Variants in LMO7 observed in about 807,000 individuals in gnomAD.
LMO7 encodes the protein LIM domain 7.
A neutral mutation model predicts 206.5 loss-of-function variants in LMO7; 120 were observed. The observed-to-expected ratio is 0.58, with a 90% CI of 0.50 to 0.68. The LOEUF is 0.68. Ranked by LOEUF, LMO7 falls within the 30% of genes least tolerant of loss-of-function variation. The pLI is 0.00. For missense variants in LMO7, 1,959 were observed against 1,957.9 expected (o/e 1.00, Z -0.01); for synonymous variants, 706 against 681.5 (o/e 1.04, Z -0.56).
chr13:75,818,335 G>A (rs185522765), intron 12 of LMO7, among the ~76,000 whole-genome samples: 2 of 152,228 alleles, frequency 1.3e-5, no homozygotes, highest in Admixed American at 6.5e-5. Flanking sequence ...AGCAGGAGTG[G>A]CTCTGTGGGC....
Position 75,621,807 on chromosome 13 carries a change from T to C in LMO7, c.114T>C (p.Cys38=), listed in dbSNP as rs184134419. 5 of 1,612,610 alleles carry C rather than the reference T, an allele frequency of 3.1e-6. No individual in the cohort carries two copies. In the Admixed American group the frequency reaches 8.3e-5, roughly 27 times the overall value. Reference sequence around the variant, plus strand: ...TGGAAATTTGGAGGCAACTGATATGTGCTCATGTCTGCATCTGTGTGGGTT... The same window carrying C: ...TGGAAATTTGGAGGCAACTGATATGCGCTCATGTCTGCATCTGTGTGGGTT... The change falls in exon 1 of 30, where the codon TGT becomes TGC. Residue 38 remains cysteine (C), a synonymous_variant. Coordinates refer to the LMO7 transcript ENST00000341547.
chr13:75,778,907 G>T (rs1327563460), intron 4 of LMO7, among the ~76,000 whole-genome samples: 1 of 152,152 alleles, frequency 6.6e-6, no homozygotes, highest in African/African-American at 2.4e-5. Flanking sequence ...TTTTAGGAAG[G>T]TCCTGGAGGC....
rs779322171 is a variant in LMO7, at chr13:75,807,832, A to G, written c.1549A>G (p.Met517Val). 1 of 1,613,954 alleles carries G rather than the reference A, an allele frequency of 6.2e-7. No homozygotes were observed. The highest frequency in any genetic ancestry group is 8.5e-7 in the Non-Finnish European group (1 of 1,179,874). The change falls in exon 10 of 31, where the codon ATG becomes GTG. Residue 517 changes from methionine (M) to valine (V), a missense_variant. Transcript: ENST00000377534. ...LVLPDLEKDDMIVRRIPAQKK... is the reference protein window; with the variant it reads ...LVLPDLEKDDVIVRRIPAQKK... Reference sequence around the variant, plus strand: ...ACTTCCGGATTTGGAAAAAGATGATATGATTGTTCGCCGAATTCCAGCACA... The same window carrying G: ...ACTTCCGGATTTGGAAAAAGATGATGTGATTGTTCGCCGAATTCCAGCACA...
At chr13:75,781,567 G>C (rs961629009) in intron 4 of LMO7, among the ~76,000 whole-genome samples, 7 of 151,916 alleles carry the variant, frequency 4.6e-5, no homozygotes, top group Non-Finnish European at 4.4e-5. Context: ...TTGCTATTGT[G>C]AATAGTGCCG....
At chr13:75,844,188 G>A (rs1030927189) in intron 25 of LMO7, among the ~76,000 whole-genome samples, 3 of 152,104 alleles carry the variant, frequency 2.0e-5, no homozygotes, top group Admixed American at 6.5e-5. Context: ...GAGGCATCAA[G>A]GAGTGTGGCT....
intron 3 of LMO7, 127 bp downstream of exon 3, chr13:75,727,225 G>A (rs117293384): frequency 1.8e-6 from 1 of 553,712 alleles, no homozygotes; most frequent in African/African-American, 2.0e-5. Context: ...CTGAAGCAAA[G>A]TGTGTTTGGT....
chr13:75,795,048 C>T (rs1410538434), intron 4 of LMO7, among the ~76,000 whole-genome samples: 2 of 151,884 alleles, frequency 1.3e-5, no homozygotes, highest in African/African-American at 4.8e-5. Context: ...CACTGATCCC[C>T]CCTCATTGGG....
rs149451677 is a variant in LMO7 at position 75,814,019 on chromosome 13, A to T, written c.1947-3142A>T. Among the ~76,000 whole-genome samples, 557 of 152,262 alleles carry T rather than the reference A, an allele frequency of 3.7e-3. 7 individuals are homozygous for T. Among genetic ancestry groups the T allele is most frequent in the African/African-American group, 0.013 (545 of 41,548 alleles). On this transcript the variant is annotated intron_variant, in intron 11 of 30. Coordinates refer to ENST00000377534, the MANE Select transcript of LMO7 (RefSeq NM_001306080.2). ...CATTCTTCATAGTATGACTTACGTG[A>T]ATCTATATTCTCAAATTCACACAAA...
rs1323075945 is a variant in LMO7 at position 75,755,731 on chromosome 13, GT to G, written c.211-5200del. 1.3e-4 allele frequency among the ~76,000 whole-genome samples: 20 copies of G among 152,178 alleles called. 1 individual carries two copies. Among genetic ancestry groups the G allele is most frequent in the African/African-American group, 4.8e-4 (20 of 41,530 alleles). On this transcript the variant is annotated intron_variant, in intron 3 of 30. Coordinates refer to ENST00000377534, the MANE Select transcript of LMO7 (RefSeq NM_001306080.2). ...CTGTATTCTTTATTATTAAAATCTT[GT>G]GGTAGCCAGCTTCCAAAATGGTCCC... is the stretch of plus-strand genomic sequence containing the variant.
At chr13:75,825,652 G>T (rs1357411449) in intron 15 of LMO7, among the ~76,000 whole-genome samples, 1 of 152,110 alleles carries the variant, frequency 6.6e-6, no homozygotes, top group Non-Finnish European at 1.5e-5. Flanking sequence ...GGTGACTTAC[G>T]TATCTCTGAT....
At chr13:75,805,451 G>A (rs1486434083) in intron 8 of LMO7, 28 bp from the exon 9 acceptor site, 1 of 1,606,432 alleles carries the variant, frequency 6.2e-7, no homozygotes, top group Admixed American at 1.7e-5. Flanking sequence ...CTCATACAGT[G>A]TCTTAACCGG....
At chr13:75,827,723 G>GT (rs1384386054) in intron 15 of LMO7, among the ~76,000 whole-genome samples, 3 of 151,002 alleles carry the variant, frequency 2.0e-5, no homozygotes, top group East Asian at 2.0e-4. Context: ...ACAGGTTTCT[G>GT]TTTTTTCTGC....
At chr13:75,735,376 C>A (rs1223323795) in intron 3 of LMO7, among the ~76,000 whole-genome samples, 1 of 152,008 alleles carries the variant, frequency 6.6e-6, no homozygotes, top group African/African-American at 2.4e-5. Flanking sequence ...CACACACACA[C>A]ACACACAACT....
At chr13:75,783,397 A>G (rs2051866776) in intron 4 of LMO7, among the ~76,000 whole-genome samples, 1 of 152,112 alleles carries the variant, frequency 6.6e-6, no homozygotes, top group Admixed American at 6.5e-5. Context: ...ATTTTGGCTC[A>G]CTGCAAACTC....
chr13:75,847,958 T>C (rs2060126961), intron 26 of LMO7, among the ~76,000 whole-genome samples: 1 of 147,678 alleles, frequency 6.8e-6, no homozygotes, highest in Non-Finnish European at 1.5e-5. Context: ...ATTTATCCAG[T>C]CACTATTTAT....
chr13:75,695,699 A>G (rs1407162342), intron 1 of LMO7, among the ~76,000 whole-genome samples: 1 of 152,214 alleles, frequency 6.6e-6, no homozygotes, highest in Non-Finnish European at 1.5e-5. Flanking sequence ...CAAAGCTACA[A>G]CTAACCAGAT....
chr13:75,823,982 T>A, intron 15 of LMO7, 109 bp downstream of exon 15: 1 of 848,192 alleles, frequency 1.2e-6, no homozygotes, highest in Non-Finnish European at 1.9e-6. Flanking sequence ...GGGCTGAAAA[T>A]GTGCAAAATG....
At chr13:75,701,597 T>C (rs890591288) in intron 1 of LMO7, among the ~76,000 whole-genome samples, 9 of 152,226 alleles carry the variant, frequency 5.9e-5, no homozygotes, top group African/African-American at 2.2e-4. Context: ...TGATAATGAT[T>C]GTTCACATCT....
chr13:75,689,699 G>A (rs9573613), intron 1 of LMO7, among the ~76,000 whole-genome samples: 9,375 of 152,188 alleles, frequency 0.062, 575 homozygotes, highest in African/African-American at 0.15. Flanking sequence ...GATGCTTCCT[G>A]CCCTCAAACA....
Sources: gnomAD v4.1 joint callset for allele counts (sites outside exome capture counted in the v4.1 genomes callset) on GRCh38, gnomAD v4.1.1 for gene constraint, MANE v1.5 for transcripts, NCBI Gene and HGNC (gene_info 2026-07-23, HGNC 2026-07-21) for gene names.